The following MINAR1 variants were observed in gnomAD, a reference collection of about 807,000 sequenced individuals.
MINAR1 encodes membrane integral NOTCH2 associated receptor 1.
MINAR1 carries 40 observed loss-of-function variants against 65.1 expected under a neutral mutation model. The ratio of observed to expected loss-of-function variants is 0.61; its 90% confidence interval spans 0.48 to 0.80. MINAR1 has a LOEUF of 0.80. Ranked by LOEUF, MINAR1 falls within the 30% of genes least tolerant of loss-of-function variation. MINAR1 has a pLI of 0.00. For synonymous variants in MINAR1, 482 were observed against 449.1 expected, an observed-to-expected ratio of 1.07 and a Z score of -0.93; for missense variants, 1,128 against 1,148.0, an observed-to-expected ratio of 0.98 and a Z score of 0.25.
intron 1 of MINAR1, among the ~76,000 whole-genome samples, chr15:79,443,722 T>C (rs1253527473): frequency 6.6e-6 from 1 of 152,236 alleles, no homozygotes; most frequent in African/African-American, 2.4e-5. Flanking sequence ...GATAAACTCA[T>C]TTATTCCCCC....
chr15:79,433,185 C>A (rs1894501505), intron 1 of MINAR1, among the ~76,000 whole-genome samples: 1 of 152,214 alleles, frequency 6.6e-6, no homozygotes, highest in Non-Finnish European at 1.5e-5. Context: ...TGCTCTGCCG[C>A]CATCCCTCCG....
At chr15:79,433,021 A>T (rs1045352235) in intron 1 of MINAR1, among the ~76,000 whole-genome samples, 5 of 152,230 alleles carry the variant, frequency 3.3e-5, no homozygotes, top group African/African-American at 9.6e-5. Flanking sequence ...ATTTCCAGTC[A>T]CGTTGATGTG....
At chr15:79,437,790 G>A (rs117091218) in intron 1 of MINAR1, among the ~76,000 whole-genome samples, 1 of 28,346 alleles carries the variant, frequency 3.5e-5, no homozygotes. Context: ...TAGTGTGTGG[G>A]GTGTGGGGTT....
chr15:79,471,309 T>A lies in MINAR1; in HGVS notation c.*2925T>A, dbSNP rs1896070061. 1 of 152,656 alleles carries A rather than the reference T, an allele frequency of 6.6e-6. No homozygotes were observed. The highest frequency in any genetic ancestry group is 1.5e-5 in the Non-Finnish European group (1 of 68,044). 9.5% of individuals were successfully genotyped at this position (152,656 alleles called of 1,614,324 possible). ...TAATAAAATATTATTTGAGATTATTTTGAAATTAAATATCCTTAACCAATG... is the reference window on the plus strand; with the variant it reads ...TAATAAAATATTATTTGAGATTATTATGAAATTAAATATCCTTAACCAATG... On this transcript the variant is annotated 3_prime_UTR_variant, in exon 4 of 4. Coordinates refer to ENST00000305428, the MANE Select transcript of MINAR1 (RefSeq NM_015206.3).
rs1395304220 is a variant in MINAR1, at chr15:79,457,280, A to T, written c.1133A>T (p.Asp378Val). 1 of 1,614,200 alleles carries T rather than the reference A, an allele frequency of 6.2e-7. No homozygotes were observed. Among genetic ancestry groups the T allele is most frequent in the Admixed American group, 1.7e-5 (1 of 60,028 alleles). ...AGCCTAAACACAGAGGAAGTTCCTG[A>T]CTTTGAACGGTCCTTTTTCAATAGA... ...SWSLNTEEVP[D>V]FERSFFNRNP... Residue 378 changes from aspartate (D) to valine (V), a missense_variant, in exon 2 of 4, where the codon GAC (aspartate) becomes GTC (valine). Physicochemically the swap from Asp to Val is radical, Grantham distance 152 (BLOSUM62 -3). Transcript: ENST00000305428.
At chr15:79,451,401 G>A (rs549072720) in intron 1 of MINAR1, among the ~76,000 whole-genome samples, 3 of 152,318 alleles carry the variant, frequency 2.0e-5, no homozygotes, top group African/African-American at 7.2e-5. Context: ...GACCTGGCGA[G>A]GGACTGGGGC....
upstream of MINAR1, among the ~76,000 whole-genome samples, chr15:79,431,518 G>GGC: frequency 6.6e-6 from 1 of 152,004 alleles, no homozygotes; most frequent in Admixed American, 6.5e-5. Flanking sequence ...TGTGTGTGGG[G>GGC]GGGGAGAGAA....
chr15:79,469,957 C>T lies in MINAR1; in HGVS notation c.*1573C>T, dbSNP rs1896017967. 6.6e-6 allele frequency: 1 copy of T among 152,584 alleles called. No individual in the cohort carries two copies. Among genetic ancestry groups the T allele is most frequent in the East Asian group, 1.9e-4 (1 of 5,200 alleles). 9.5% of individuals were successfully genotyped at this position (152,584 alleles called of 1,614,324 possible). A position where few individuals can be genotyped will look rare whatever the true frequency, so the allele number is the denominator to read the frequency against. ...CTGAAAAATCGCAAATAATGCTTAG[C>T]TTGCTGTGTCTGATTCTGTTGTTCA... is the stretch of plus-strand genomic sequence containing the variant. On this transcript the variant is annotated 3_prime_UTR_variant, in exon 4 of 4. Coordinates refer to ENST00000305428, the MANE Select transcript of MINAR1 (RefSeq NM_015206.3).
chr15:79,469,425 TATAATA>T lies in MINAR1; in HGVS notation c.*1049_*1054del, dbSNP rs557152436. The T allele has an allele frequency of 6.5e-6, 1 of 152,702 alleles. No homozygotes were observed. Among genetic ancestry groups the T allele is most frequent in the Non-Finnish European group, 1.5e-5 (1 of 68,022 alleles). 9.5% of individuals were successfully genotyped at this position (152,702 alleles called of 1,614,324 possible). ...AAGCTTGCTCAATAATGTTCAATAA[TATAATA>T]ATAATAAAGGCACTGAGGTCTTCTC... is the stretch of plus-strand genomic sequence containing the variant. On this transcript the variant is annotated 3_prime_UTR_variant, in exon 4 of 4. Coordinates refer to ENST00000305428, the MANE Select transcript of MINAR1 (RefSeq NM_015206.3).
intron 3 of MINAR1, among the ~76,000 whole-genome samples, chr15:79,465,633 A>G (rs1467765522): frequency 6.6e-6 from 1 of 152,152 alleles, no homozygotes; most frequent in Non-Finnish European, 1.5e-5. Flanking sequence ...CGGAGGGAAT[A>G]AAGTACAAAA....
rs1258159131 is a variant in MINAR1, at chr15:79,456,302, A to G, written c.155A>G (p.Tyr52Cys). 1 of 1,614,216 alleles carries G rather than the reference A, an allele frequency of 6.2e-7. No homozygotes were observed. The highest frequency in any genetic ancestry group is 1.3e-5 in the African/African-American group (1 of 75,044). ...QLAKLRSVLFYTACLDPNFPA... is the reference protein window; with the variant it reads ...QLAKLRSVLFCTACLDPNFPA... ...GCCAAACTGAGAAGTGTGCTCTTCT[A>G]CACAGCTTGTCTCGATCCCAATTTT... The change falls in exon 2 of 4, where the codon TAC becomes TGC. Residue 52 changes from tyrosine to cysteine, a missense_variant. Physicochemically the swap from Tyr to Cys is radical, Grantham distance 194. Transcript: ENST00000305428.
At chr15:79,448,043 G>A (rs928129119) in intron 1 of MINAR1, among the ~76,000 whole-genome samples, 2 of 152,130 alleles carry the variant, frequency 1.3e-5, no homozygotes, top group African/African-American at 4.8e-5. Context: ...CTACCTCTGT[G>A]ATTTTTCAAT....
At chr15:79,414,615 T>C in the MINAR1 span, 1 of 152,098 alleles carries the variant, frequency 6.6e-6, no homozygotes, top group Non-Finnish European at 1.5e-5. Flanking sequence ...GGTTGAGGTA[T>C]GGAGATAAGA....
At chr15:79,427,810 G>C (rs1894346549), upstream of MINAR1, among the ~76,000 whole-genome samples, 1 of 152,098 alleles carries the variant, frequency 6.6e-6, no homozygotes. Context: ...AAAAACTCTG[G>C]GTTCAGGGTG....
At chr15:79,454,117 A>G (rs1364750625) in intron 1 of MINAR1, among the ~76,000 whole-genome samples, 3 of 152,206 alleles carry the variant, frequency 2.0e-5, no homozygotes, top group Non-Finnish European at 2.9e-5. Context: ...TTGGACACAG[A>G]ATGCTTCCAT....
chr15:79,436,360 C>T (rs10851921), intron 1 of MINAR1, among the ~76,000 whole-genome samples: 92,385 of 152,026 alleles, frequency 0.61, 28,974 homozygotes, highest in East Asian at 0.79. Context: ...TCGTGGCATG[C>T]GGCTGTCATT....
At chr15:79,452,645 T>A (rs201193155) in intron 1 of MINAR1, among the ~76,000 whole-genome samples, 4 of 144,646 alleles carry the variant, frequency 2.8e-5, no homozygotes, top group Non-Finnish European at 6.1e-5. Flanking sequence ...TGTGTGGGTG[T>A]GTGTCTGGGT....
chr15:79,434,961 C>G (rs909477999), intron 1 of MINAR1, among the ~76,000 whole-genome samples: 2 of 152,252 alleles, frequency 1.3e-5, no homozygotes, highest in Admixed American at 6.5e-5. Flanking sequence ...AGAGTAGAAC[C>G]CTTTAAATTA....
chr15:79,453,538 A>G (rs1268421218), intron 1 of MINAR1, among the ~76,000 whole-genome samples: 1 of 152,064 alleles, frequency 6.6e-6, no homozygotes, highest in Non-Finnish European at 1.5e-5. Context: ...ATCCTGTTCC[A>G]CTGCTACAGA....
Sources: allele counts gnomAD v4.1 joint callset (sites outside exome capture counted in the v4.1 genomes callset), GRCh38; gene constraint gnomAD v4.1.1; transcripts MANE v1.5; gene names NCBI Gene and HGNC (gene_info 2026-07-23, HGNC 2026-07-21).